Variants in EPG5 observed in about 807,000 individuals in gnomAD.
The protein encoded by EPG5 is ectopic P granules protein 5 homolog.
EPG5 carries 159 observed loss-of-function variants against 302.7 expected under a neutral mutation model. The ratio of observed to expected loss-of-function variants is 0.53; its 90% CI spans 0.46 to 0.60. The LOEUF is 0.60. Among genes scored for constraint, EPG5 ranks in the 20% least tolerant of loss-of-function variants. The pLI is 0.00. For missense variants in EPG5, 2,896 were observed against 3,092.4 expected (o/e 0.94, Z 1.51); for synonymous variants, 1,158 against 1,136.8 (o/e 1.02, Z -0.37).
chr18:45,897,299 C>G (rs1379230824), intron 27 of EPG5, among the ~76,000 whole-genome samples: 1 of 152,222 alleles, frequency 6.6e-6, no homozygotes. Flanking sequence ...AGTTATCTCA[C>G]TTGTCACTTA....
At chr18:45,943,363 T>C (rs755875894) in intron 8 of EPG5, 52 bp from the exon 9 acceptor site, 13 of 1,478,504 alleles carry the variant, frequency 8.8e-6, no homozygotes, top group Middle Eastern at 1.7e-4. Flanking sequence ...TGAAAAAACA[T>C]GAACGGATAC....
At position 45,967,265 on chromosome 18, in the gene EPG5, T is replaced by C. The variant is rs1382324616; in HGVS notation, c.-26A>G. The C allele has an allele frequency of 2.6e-6, 4 of 1,568,320 alleles. No individual in the cohort carries two copies. Among genetic ancestry groups the C allele is most frequent in the Non-Finnish European group, 2.6e-6 (3 of 1,156,842 alleles). ...AGACCCTTCCGCGGCGCCGTCACCG[T>C]TTGTTTTTGTCAAACCCCTGCGCTT... On this transcript the variant is annotated 5_prime_UTR_variant, in exon 1 of 44. Coordinates refer to ENST00000282041, the MANE Select transcript of EPG5 (RefSeq NM_020964.3).
intron 30 of EPG5, among the ~76,000 whole-genome samples, chr18:45,883,461 C>T (rs376133512): frequency 5.3e-5 from 7 of 132,518 alleles, no homozygotes; most frequent in Non-Finnish European, 7.9e-5. Flanking sequence ...TCAAGGTTGT[C>T]TTTTTTTTTT....
chr18:45,936,771 C>T lies in EPG5; in HGVS notation c.2100-1805G>A, dbSNP rs961417282. Among the ~76,000 whole-genome samples the T allele has an allele frequency of 3.3e-4, 46 of 138,870 alleles. 1 individual carries two copies. Among genetic ancestry groups the T allele is most frequent in the Admixed American group, 2.2e-3 (29 of 13,452 alleles). The allele number at this position is 138,870 out of a possible 152,430, so 91.1% of individuals were successfully genotyped here. On this transcript the variant is annotated intron_variant, in intron 10 of 43. Coordinates refer to ENST00000282041, the MANE Select transcript of EPG5 (RefSeq NM_020964.3). Reference sequence around the variant, plus strand: ...CTGCAAAGGAATGTACAGCAACTTACCTGTTATTAAATTAAAAAAAAAAAA... The same window carrying T: ...CTGCAAAGGAATGTACAGCAACTTATCTGTTATTAAATTAAAAAAAAAAAA...
At chr18:45,933,453 T>C (rs974441748) in intron 11 of EPG5, among the ~76,000 whole-genome samples, 30 of 152,188 alleles carry the variant, frequency 2.0e-4, no homozygotes, top group African/African-American at 6.0e-4. Context: ...CCAAGGCAGG[T>C]GGATCACTTG....
rs750451013 is a variant in EPG5, at chr18:45,916,196, G to A, written c.3395C>T (p.Ser1132Phe). ...LLNSMIQAHI[S>F]VSTQPNEVGP... ...CACTTCATTGGGCTGAGTGCTTACAGATATGTGTGCCTGTGGAGAAAAGGC... is the reference window on the plus strand; with the variant it reads ...CACTTCATTGGGCTGAGTGCTTACAAATATGTGTGCCTGTGGAGAAAAGGC... The change falls in exon 19 of 44, where the codon TCT becomes TTT. Residue 1132 changes from serine to phenylalanine, a missense_variant. Physicochemically the swap from Ser to Phe is radical, Grantham distance 155 (BLOSUM62 -2). This residue lies in a region of EPG5 where 1,390 missense variants were observed against 1,430.0 expected (regional missense o/e 0.97). Coordinates refer to ENST00000282041, the MANE Select transcript of EPG5 (RefSeq NM_020964.3). The A allele has an allele frequency of 3.1e-6, 5 of 1,611,794 alleles. No homozygotes were observed. The South Asian group carries it at 5.5e-5, about 18-fold the overall frequency.
intron 1 of EPG5, among the ~76,000 whole-genome samples, chr18:45,965,794 CT>C (rs2051235191): frequency 6.6e-6 from 1 of 152,188 alleles, no homozygotes; most frequent in South Asian, 2.1e-4. Flanking sequence ...TGGCTCACGC[CT>C]GTAATCCGGG....
At chr18:45,837,309 C>G in the EPG5 span, among the ~76,000 whole-genome samples, 10 of 152,354 alleles carry the variant, frequency 6.6e-5, no homozygotes, top group South Asian at 2.1e-3. Context: ...AGTGCAGGCC[C>G]TGGGGGTGCA....
rs1371722659 is a variant in EPG5, at chr18:45,930,844, T to C, written c.2258-14A>G. 3 of 1,575,010 alleles carry C rather than the reference T, an allele frequency of 1.9e-6. No homozygotes were observed. The highest frequency in any genetic ancestry group is 2.4e-5 in the South Asian group (2 of 83,310). On this transcript the variant is annotated splice_polypyrimidine_tract_variant and intron_variant, in intron 11 of 43. Coordinates refer to ENST00000282041, the MANE Select transcript of EPG5 (RefSeq NM_020964.3). ...AATGTTCTGGGTCTGCAAGTTCATA[T>C]CAAGAAAATTAGAGTGGGGAAAGAA...
At chr18:45,917,626 G>A (rs960482444) in intron 17 of EPG5, 53 bp downstream of exon 17, 1 of 1,594,308 alleles carries the variant, frequency 6.3e-7, no homozygotes. Flanking sequence ...ACAATCATTT[G>A]TACTTGCTGG....
chr18:45,838,727 G>C, the EPG5 span: 43 of 1,576,962 alleles, frequency 2.7e-5, no homozygotes, highest in Non-Finnish European at 3.2e-5. Flanking sequence ...GCCGCGCCGC[G>C]GATCGTCAAC....
At chr18:45,818,251 A>AT in the EPG5 span, among the ~76,000 whole-genome samples, 16 of 112,868 alleles carry the variant, frequency 1.4e-4, no homozygotes, top group East Asian at 3.6e-3. Context: ...TGTAAGGAAG[A>AT]TTTTATTTTT....
chr18:45,927,613 C>CATACAT (rs200022553), intron 13 of EPG5, among the ~76,000 whole-genome samples: 9 of 151,608 alleles, frequency 5.9e-5, no homozygotes, highest in Middle Eastern at 3.4e-3. Context: ...CACACACACA[C>CATACAT]ACACACACAC....
Position 45,906,168 on chromosome 18 carries a change from C to A in EPG5, c.4329+1790G>T, listed in dbSNP as rs144896669. Among the ~76,000 whole-genome samples, 13 of 152,234 alleles carry A rather than the reference C, an allele frequency of 8.5e-5. No individual in the cohort carries two copies. In the East Asian group the frequency reaches 2.3e-3, roughly 27 times the overall value. On this transcript the variant is annotated intron_variant, in intron 24 of 43. Transcript: ENST00000282041. ...GCTCTCGTTGAAGCCCCTCAGGCAC[C>A]CCCTCTTCCAGGGTTTATCTCTGGG...
rs2050931068 is a variant in EPG5, at chr18:45,952,445, TAC to T, written c.1205_1206del (p.Ser402LysfsTer18). The stretch of plus-strand genomic sequence containing the variant: ...GCTGAAGATCTCAGAACAGCTGAAC[TAC>T]TGAGCAATGCATAGATGTAAGACTC... Reference protein sequence around the residue: ...QVESYIYALLSSSAVLRSSAI... With the variant: ...QVESYIYALLXSSAVLRSSAI... On this transcript the variant is annotated frameshift_variant, in exon 3 of 44. Coordinates refer to ENST00000282041, the MANE Select transcript of EPG5 (RefSeq NM_020964.3). LOFTEE classifies it high-confidence loss of function. 1 of 1,614,060 alleles carries T rather than the reference TAC, an allele frequency of 6.2e-7. No individual in the cohort carries two copies. Among genetic ancestry groups the T allele is most frequent in the Non-Finnish European group, 8.5e-7 (1 of 1,180,028 alleles).
chr18:45,937,846 ATT>A (rs1294319359), intron 10 of EPG5, among the ~76,000 whole-genome samples: 10 of 152,180 alleles, frequency 6.6e-5, no homozygotes, highest in African/African-American at 2.4e-4. Flanking sequence ...TTCTCATATA[ATT>A]TGTTTCCTAA....
downstream of EPG5, among the ~76,000 whole-genome samples, chr18:45,846,786 G>T (rs2048368525): frequency 6.6e-6 from 1 of 152,242 alleles, no homozygotes; most frequent in South Asian, 2.1e-4. Context: ...AGGCAGAGCA[G>T]CCCCGAGGGC....
At chr18:45,825,913 C>T in the EPG5 span, 21 of 1,032,028 alleles carry the variant, frequency 2.0e-5, no homozygotes, top group Middle Eastern at 2.0e-4. Context: ...GGAAGAGCTG[C>T]GCTTGGGGCC....
chr18:45,809,205 T>G, the EPG5 span, among the ~76,000 whole-genome samples: 1 of 152,124 alleles, frequency 6.6e-6, no homozygotes, highest in Non-Finnish European at 1.5e-5. Context: ...CATCTAACAC[T>G]GGAGCTCCCA....
Sources: gnomAD v4.1 joint callset for allele counts (sites outside exome capture counted in the v4.1 genomes callset) on GRCh38, gnomAD v4.1.1 for gene constraint, gnomAD v4.1.1 regional missense constraint, MANE v1.5 for transcripts, NCBI Gene and HGNC (gene_info 2026-07-23, HGNC 2026-07-21) for gene names.